Variants in MTTP observed in about 807,000 individuals in gnomAD.
The protein encoded by MTTP is microsomal triglyceride transfer protein, also known as microsomal triglyceride transfer protein large subunit.
MTTP carries 49 observed loss-of-function variants against 90.6 expected under a neutral mutation model. The observed-to-expected ratio is 0.54, with a 90% CI of 0.43 to 0.69. MTTP has a LOEUF of 0.69. Ranked by LOEUF, MTTP falls within the 30% of genes least tolerant of loss-of-function variation. MTTP has a pLI of 0.00. For missense variants in MTTP, 945 were observed against 1,067.5 expected, an observed-to-expected ratio of 0.89 and a Z score of 1.60; for synonymous variants, 347 against 384.2, an observed-to-expected ratio of 0.90 and a Z score of 1.13.
At chr4:99,619,495 A>G (rs1000858101) in intron 16 of MTTP, among the ~76,000 whole-genome samples, 1 of 151,622 alleles carries the variant, frequency 6.6e-6, no homozygotes, top group African/African-American at 2.4e-5. Context: ...ATTAAATGTT[A>G]AGAGTCCTTA....
intron 15 of MTTP, among the ~76,000 whole-genome samples, chr4:99,614,931 C>T (rs1726061129): frequency 6.6e-6 from 1 of 152,194 alleles, no homozygotes; most frequent in Non-Finnish European, 1.5e-5. Flanking sequence ...ATCCCTTAAT[C>T]CTCAAGTCAC....
intron 15 of MTTP, among the ~76,000 whole-genome samples, chr4:99,616,555 C>T (rs1318998198): frequency 6.6e-6 from 1 of 152,110 alleles, no homozygotes; most frequent in Non-Finnish European, 1.5e-5. Flanking sequence ...GACACCAAAG[C>T]TTTGTAGAGC....
intron 3 of MTTP, among the ~76,000 whole-genome samples, chr4:99,586,310 T>C (rs1261690333): frequency 6.6e-6 from 1 of 152,188 alleles, no homozygotes; most frequent in African/African-American, 2.4e-5. Flanking sequence ...CGTTGATTAA[T>C]GCTGACGAGT....
chr4:99,616,208 A>G (rs1726095665), intron 15 of MTTP, among the ~76,000 whole-genome samples: 1 of 152,186 alleles, frequency 6.6e-6, no homozygotes, highest in African/African-American at 2.4e-5. Flanking sequence ...AGGCTGGGCA[A>G]CATGGTGAAA....
chr4:99,592,376 G>A (rs1009329784), intron 6 of MTTP, among the ~76,000 whole-genome samples: 2 of 152,040 alleles, frequency 1.3e-5, no homozygotes, highest in African/African-American at 4.8e-5. Context: ...TTAGCTTACT[G>A]TAATATTTTT....
At position 99,601,589 on chromosome 4, in the gene MTTP, T is replaced by A; in HGVS notation, c.1237-18T>A. 6.5e-7 allele frequency: 1 copy of A among 1,531,568 alleles called. No individual in the cohort carries two copies. Among genetic ancestry groups the A allele is most frequent in the Non-Finnish European group, 9.0e-7 (1 of 1,105,244 alleles). 94.9% of individuals were successfully genotyped at this position (1,531,568 alleles called of 1,614,324 possible). A position where few individuals can be genotyped will look rare whatever the true frequency, so the allele number is the denominator to read the frequency against. On this transcript the variant is annotated intron_variant, in intron 9 of 17. Transcript: ENST00000265517. ...TTAAATGTCTTGGTAACCTATTTTA[T>A]CCCTGTTTGGTTAATAGAGTAAGTT...
chr4:99,597,207 G>A lies in MTTP; in HGVS notation c.1050G>A (p.Met350Ile). 1.2e-6 allele frequency: 2 copies of A among 1,613,546 alleles called. No homozygotes were observed. Among genetic ancestry groups the A allele is most frequent in the Non-Finnish European group, 1.7e-6 (2 of 1,179,804 alleles). Residue 350 changes from methionine (M) to isoleucine (I), a missense_variant, in exon 8 of 18, where the codon ATG (methionine) becomes ATA (isoleucine). Coordinates refer to ENST00000265517, the MANE Select transcript of MTTP (RefSeq NM_001386140.1). ...KKEEILQILK[M>I]ENKEVLPQLV... ...AAGAGATCCTTCAAATACTAAAGAT[G>A]GAAAATAAGGAAGTATTGTAAGTTC...
In MTTP at chr4:99,594,853, C is replaced by G. The variant is rs1215839249; in HGVS notation, c.879C>G (p.Val293=). 3 of 1,613,866 alleles carry G rather than the reference C, an allele frequency of 1.9e-6. No homozygotes were observed. In the African/African-American group the frequency reaches 4.0e-5, roughly 22 times the overall value. ...KYTAIPIVGQ[V]FQSHCKGCPS... ...CGGCCATTCCCATTGTGGGGCAGGTCTTCCAGAGCCACTGTAAAGGATGTC... is the reference window on the plus strand; with the variant it reads ...CGGCCATTCCCATTGTGGGGCAGGTGTTCCAGAGCCACTGTAAAGGATGTC... Residue 293 remains valine, a synonymous_variant, in exon 7 of 18, where the codon GTC becomes GTG. Coordinates refer to ENST00000265517, the MANE Select transcript of MTTP (RefSeq NM_001386140.1).
intron 1 of MTTP, chr4:99,564,340 C>A: frequency 9.2e-7 from 1 of 1,084,778 alleles, no homozygotes; most frequent in Non-Finnish European, 1.3e-6. Flanking sequence ...AGAAAAACAT[C>A]TCTTGCCTAT....
chr4:99,612,208 G>A (rs1725974758), intron 14 of MTTP, among the ~76,000 whole-genome samples: 1 of 152,084 alleles, frequency 6.6e-6, no homozygotes, highest in African/African-American at 2.4e-5. Flanking sequence ...AGAGTACTAT[G>A]CCTTTCTGTC....
chr4:99,570,916 A>G (rs1319482728), upstream of MTTP: 4 of 372,578 alleles, frequency 1.1e-5, no homozygotes, highest in Non-Finnish European at 2.1e-5. Context: ...ACACCTGCCA[A>G]TACTTTCATT....
chr4:99,614,173 C>T (rs111664214), intron 15 of MTTP, among the ~76,000 whole-genome samples: 16,731 of 152,128 alleles, frequency 0.11, 1,106 homozygotes, highest in Middle Eastern at 0.2. Flanking sequence ...ATTTTGCCTC[C>T]GTTACCTTCT....
Position 99,611,076 on chromosome 4 carries a change from C to T in MTTP, c.1770-67C>T. ...TTTTTCCACTGAGGATTTTTTTTTT[C>T]CAAATTTGACTTGGGAAACAGTCAT... On this transcript the variant is annotated intron_variant, in intron 12 of 17. Coordinates refer to ENST00000265517, the MANE Select transcript of MTTP (RefSeq NM_001386140.1). 10 of 1,519,464 alleles carry T rather than the reference C, an allele frequency of 6.6e-6. No homozygotes were observed. The Admixed American group carries it at 9.1e-5, about 14-fold the overall frequency. 94.1% of individuals were successfully genotyped at this position (1,519,464 alleles called of 1,614,324 possible).
upstream of MTTP, chr4:99,574,806 C>G: frequency 6.2e-7 from 1 of 1,610,266 alleles, no homozygotes; most frequent in Middle Eastern, 1.7e-4. Context: ...ATGATTGTTG[C>G]AGGTTCTGAA....
chr4:99,574,938 G>T lies in MTTP; in HGVS notation c.29G>T (p.Cys10Phe). The change falls in exon 1 of 18, where the codon TGC (cysteine) becomes TTC (phenylalanine). Residue 10 changes from cysteine (C) to phenylalanine (F), a missense_variant. Transcript: ENST00000265517. Reference sequence around the variant, plus strand: ...ATTCTTCTTGCTGTGCTTTTTCTCTGCTTCATTTCCTCATATTCAGCTTCT... The same window carrying T: ...ATTCTTCTTGCTGTGCTTTTTCTCTTCTTCATTTCCTCATATTCAGCTTCT... MILLAVLFL[C>F]FISSYSASVK... The T allele has an allele frequency of 6.2e-7, 1 of 1,614,128 alleles. No homozygotes were observed.
chr4:99,611,479 T>G (rs1725956108), intron 14 of MTTP, 26 bp downstream of exon 14: 15 of 1,613,254 alleles, frequency 9.3e-6, no homozygotes, highest in Non-Finnish European at 9.3e-6. Flanking sequence ...TGGATTTTGC[T>G]TAATAAAGTA....
At chr4:99,595,013 A>T in intron 7 of MTTP, 130 bp downstream of exon 7, 1 of 1,068,718 alleles carries the variant, frequency 9.4e-7, no homozygotes, top group Non-Finnish European at 1.4e-6. Flanking sequence ...AGTTGTGATG[A>T]CAGCAGTCTC....
At chr4:99,584,052 A>G (rs1032923571) in intron 3 of MTTP, 3 of 153,786 alleles carry the variant, frequency 2.0e-5, no homozygotes, top group African/African-American at 7.2e-5. Flanking sequence ...GACATGGAAA[A>G]GCCTTTTATA....
intron 4 of MTTP, 143 bp from the exon 5 acceptor site, chr4:99,591,092 C>T (rs1252038946): frequency 1.4e-6 from 1 of 699,362 alleles, no homozygotes; most frequent in African/African-American, 1.8e-5. Flanking sequence ...AAACCTTGTT[C>T]TTGTCTTTGT....
Sources: gnomAD v4.1 joint callset for allele counts (sites outside exome capture counted in the v4.1 genomes callset) on GRCh38, gnomAD v4.1.1 for gene constraint, MANE v1.5 for transcripts, NCBI Gene and HGNC (gene_info 2026-07-23, HGNC 2026-07-21) for gene names.